The following DSCAM variants were observed in gnomAD, a reference collection of about 807,000 sequenced individuals.
DSCAM encodes the protein cell adhesion molecule DSCAM.
A neutral mutation model predicts 217.7 loss-of-function variants in DSCAM; 47 were observed. The ratio of observed to expected loss-of-function variants is 0.22; its 90% confidence interval spans 0.17 to 0.28. The LOEUF (loss-of-function observed/expected upper bound fraction) is 0.28. Among genes scored for constraint, DSCAM ranks in the 10% least tolerant of loss-of-function variants. DSCAM has a pLI of 1.00. For missense variants in DSCAM, 2,080 were observed against 2,618.3 expected, an observed-to-expected ratio of 0.79 and a Z score of 4.49; for synonymous variants, 1,056 against 1,015.3, an observed-to-expected ratio of 1.04 and a Z score of -0.76.
intron 3 of DSCAM, among the ~76,000 whole-genome samples, chr21:40,554,939 T>C (rs1309850572): frequency 1.3e-5 from 2 of 152,218 alleles, no homozygotes; most frequent in Admixed American, 1.3e-4. Flanking sequence ...AAAGACAATG[T>C]TTTATTAATT....
chr21:40,540,975 T>C (rs2076538805), intron 3 of DSCAM, among the ~76,000 whole-genome samples: 1 of 152,112 alleles, frequency 6.6e-6, no homozygotes, highest in African/African-American at 2.4e-5. Flanking sequence ...GTGATTACCC[T>C]GCTTTCATCC....
rs537262213 is a variant in DSCAM, at chr21:40,418,941, A to G, written c.509-49696T>C. Among the ~76,000 whole-genome samples, 17 of 152,296 alleles carry G rather than the reference A, an allele frequency of 1.1e-4. No homozygotes were observed. The South Asian group carries it at 3.5e-3, about 32-fold the overall frequency. On this transcript the variant is annotated intron_variant, in intron 3 of 32. Coordinates refer to ENST00000400454, the MANE Select transcript of DSCAM (RefSeq NM_001389.5). ...TTTTTTCCAAAAATTCCAGGAATTC[A>G]GGACACAGAAAAGGAAATAATTAAA... is the stretch of plus-strand genomic sequence containing the variant.
In DSCAM at chr21:40,705,094, C is replaced by G. The variant is rs752092319; in HGVS notation, c.361+3360G>C. Reference sequence around the variant, plus strand: ...TCTTGCTAAAGCTGGGGACAAGAGACCAGATGTGAAAAGCTAAGGTTGAGA... The same window carrying G: ...TCTTGCTAAAGCTGGGGACAAGAGAGCAGATGTGAAAAGCTAAGGTTGAGA... On this transcript the variant is annotated intron_variant, in intron 2 of 32. Coordinates refer to ENST00000400454, the MANE Select transcript of DSCAM (RefSeq NM_001389.5). Among the ~76,000 whole-genome samples, 25 of 152,260 alleles carry G rather than the reference C, an allele frequency of 1.6e-4. No homozygotes were observed. The Middle Eastern group carries it at 0.01, about 62-fold the overall frequency.
chr21:40,767,365 G>C (rs993158718), intron 1 of DSCAM, among the ~76,000 whole-genome samples: 1 of 152,048 alleles, frequency 6.6e-6, no homozygotes, highest in African/African-American at 2.4e-5. Flanking sequence ...CAGTAACTTC[G>C]GGCCCACATC....
chr21:40,225,648 T>C (rs1241720155), intron 11 of DSCAM, among the ~76,000 whole-genome samples: 2 of 152,106 alleles, frequency 1.3e-5, no homozygotes, highest in African/African-American at 4.8e-5. Context: ...GCAGACCTTG[T>C]TGATAAACGT....
intron 1 of DSCAM, among the ~76,000 whole-genome samples, chr21:40,807,231 A>T (rs2091796444): frequency 6.6e-6 from 1 of 152,202 alleles, no homozygotes. Flanking sequence ...TTGCTGGCTG[A>T]CCACGTAACC....
chr21:40,105,758 C>T (rs542573271), intron 20 of DSCAM, among the ~76,000 whole-genome samples: 1 of 152,342 alleles, frequency 6.6e-6, no homozygotes, highest in African/African-American at 2.4e-5. Flanking sequence ...ACAACATCGA[C>T]TTCCCTTCCA....
intron 1 of DSCAM, among the ~76,000 whole-genome samples, chr21:40,807,779 G>A (rs1265344279): frequency 2.6e-5 from 4 of 152,128 alleles, no homozygotes; most frequent in African/African-American, 9.7e-5. Context: ...GGGTTGGGAA[G>A]TGGTGAAAAG....
At chr21:40,586,770 G>T (rs2076950062) in intron 3 of DSCAM, among the ~76,000 whole-genome samples, 1 of 152,164 alleles carries the variant, frequency 6.6e-6, no homozygotes, top group African/African-American at 2.4e-5. Context: ...ACACTACCCT[G>T]CCATGTCAAT....
intron 16 of DSCAM, among the ~76,000 whole-genome samples, chr21:40,161,226 T>A (rs1601398122): frequency 3.3e-5 from 5 of 151,916 alleles, no homozygotes; most frequent in Non-Finnish European, 1.5e-5. Flanking sequence ...AGAACTGGAG[T>A]CCTTGAAGAA....
chr21:40,134,614 C>A (rs1165528977), intron 18 of DSCAM, among the ~76,000 whole-genome samples: 1 of 152,174 alleles, frequency 6.6e-6, no homozygotes, highest in Non-Finnish European at 1.5e-5. Context: ...ACTTATTCAT[C>A]TTGCATAACT....
chr21:40,338,961 G>A (rs2074457959), intron 7 of DSCAM, among the ~76,000 whole-genome samples, 158 bp downstream of exon 7: 1 of 152,180 alleles, frequency 6.6e-6, no homozygotes, highest in Non-Finnish European at 1.5e-5. Context: ...CATTAACCCA[G>A]TCAGTGCCAT....
At chr21:40,123,576 T>C (rs2090058210) in intron 20 of DSCAM, among the ~76,000 whole-genome samples, 1 of 152,208 alleles carries the variant, frequency 6.6e-6, no homozygotes, top group South Asian at 2.1e-4. Flanking sequence ...TCAGCAGGAA[T>C]AATATGAACG....
intron 16 of DSCAM, among the ~76,000 whole-genome samples, chr21:40,159,742 C>T (rs1000083645): frequency 5.3e-5 from 8 of 152,246 alleles, no homozygotes; most frequent in South Asian, 2.1e-4. Context: ...TCCATCATGC[C>T]TGGCTAATTT....
In DSCAM at chr21:40,588,245, T is replaced by C. The variant is rs1188116284; in HGVS notation, c.508+104565A>G. On this transcript the variant is annotated intron_variant, in intron 3 of 32. Transcript: ENST00000400454. ...CATTACCTACCCCTCTGATATTAGG[T>C]TGGCTCAAAATCATGGATTTTGGCA... 2.6e-5 allele frequency among the ~76,000 whole-genome samples: 4 copies of C among 152,194 alleles called. No individual in the cohort carries two copies. In the East Asian group the frequency reaches 7.7e-4, roughly 29 times the overall value.
At chr21:40,776,957 A>C (rs542434221) in intron 1 of DSCAM, among the ~76,000 whole-genome samples, 1 of 152,364 alleles carries the variant, frequency 6.6e-6, no homozygotes, top group East Asian at 1.9e-4. Flanking sequence ...AGCAACCAAA[A>C]GATGTCAGCA....
At chr21:40,358,128 ATC>A (rs1255552142) in intron 4 of DSCAM, among the ~76,000 whole-genome samples, 1 of 152,166 alleles carries the variant, frequency 6.6e-6, no homozygotes, top group Non-Finnish European at 1.5e-5. Flanking sequence ...TAATCCCACA[ATC>A]TCTGAAAATG....
At chr21:40,621,446 T>G (rs535678390) in intron 3 of DSCAM, 1 of 152,186 alleles carries the variant, frequency 6.6e-6, no homozygotes, top group East Asian at 1.9e-4. Context: ...AAGTATAAAT[T>G]CCCAGTGACC....
At chr21:40,570,841 T>A (rs1012853213) in intron 3 of DSCAM, among the ~76,000 whole-genome samples, 1 of 150,668 alleles carries the variant, frequency 6.6e-6, no homozygotes, top group Non-Finnish European at 1.5e-5. Context: ...CACAAAGAAA[T>A]TAAACATGAA....
Sources: allele counts gnomAD v4.1 joint callset (sites outside exome capture counted in the v4.1 genomes callset), GRCh38; gene constraint gnomAD v4.1.1; transcripts MANE v1.5; gene names NCBI Gene and HGNC (gene_info 2026-07-23, HGNC 2026-07-21).